The following GUCY1A2 variants were observed in gnomAD, a reference collection of about 807,000 sequenced individuals.
The protein encoded by GUCY1A2 is guanylate cyclase soluble subunit alpha-2.
Under a neutral mutation model 63.5 loss-of-function variants are expected in GUCY1A2, and 27 were observed. The ratio of observed to expected loss-of-function variants is 0.43; its 90% confidence interval spans 0.31 to 0.59. GUCY1A2 has a LOEUF of 0.59. Among genes scored for constraint, GUCY1A2 ranks in the 20% least tolerant of loss-of-function variants. The pLI, the probability that GUCY1A2 is intolerant of heterozygous loss-of-function variation, is 0.11. For synonymous variants in GUCY1A2, 364 were observed against 343.5 expected (o/e 1.06, Z -0.66); for missense variants, 768 against 913.3 (o/e 0.84, Z 2.05).
intron 6 of GUCY1A2, among the ~76,000 whole-genome samples, chr11:106,774,794 A>G (rs1225211132): frequency 6.6e-6 from 1 of 152,156 alleles, no homozygotes; most frequent in Non-Finnish European, 1.5e-5. Context: ...TTTAGTGAAC[A>G]AGCTCTTGCT....
intron 1 of GUCY1A2, among the ~76,000 whole-genome samples, chr11:107,012,352 G>T (rs1461238709): frequency 6.8e-6 from 1 of 148,024 alleles, no homozygotes; most frequent in Non-Finnish European, 1.5e-5. Context: ...GAGAAAAAAA[G>T]AAAATGAAAA....
chr11:106,845,271 C>A (rs1203558359), intron 4 of GUCY1A2, among the ~76,000 whole-genome samples: 1 of 150,616 alleles, frequency 6.6e-6, no homozygotes, highest in East Asian at 2.0e-4. Context: ...ACAAAAATCC[C>A]TGCGGCCGAT....
intron 4 of GUCY1A2, among the ~76,000 whole-genome samples, chr11:106,867,241 G>C (rs942913085): frequency 6.6e-6 from 1 of 151,992 alleles, no homozygotes; most frequent in Admixed American, 6.6e-5. Context: ...AGTATATTAT[G>C]TGTTAAACAC....
Position 106,967,679 on chromosome 11 carries a change from A to C in GUCY1A2, c.487+10940T>G, listed in dbSNP as rs1450384174. 3.3e-5 allele frequency among the ~76,000 whole-genome samples: 5 copies of C among 150,650 alleles called. No individual in the cohort carries two copies. In the East Asian group the frequency reaches 9.9e-4, roughly 30 times the overall value. On this transcript the variant is annotated intron_variant, in intron 3 of 7. Transcript: ENST00000526355. ...CATGAAGGAGATTTGGCAAAGAGAT[A>C]CAGAAAAGGCAAAAGGGAGGCAGGA...
rs755566309 is a variant in GUCY1A2 at position 106,679,757 on chromosome 11, C to T, written c.*7792G>A. On this transcript the variant is annotated 3_prime_UTR_variant, in exon 8 of 8. Coordinates refer to ENST00000526355, the MANE Select transcript of GUCY1A2 (RefSeq NM_000855.3). Reference sequence around the variant, plus strand: ...GCATATGGCAGAGCTGGTATTGGGCCTTCTTTGTTCCTTCAACCCAGATGT... The same window carrying T: ...GCATATGGCAGAGCTGGTATTGGGCTTTCTTTGTTCCTTCAACCCAGATGT... 9.2e-6 allele frequency: 2 copies of T among 218,180 alleles called. No individual in the cohort carries two copies. Among genetic ancestry groups the T allele is most frequent in the Non-Finnish European group, 1.8e-5 (2 of 108,652 alleles). 13.5% of individuals were successfully genotyped at this position (218,180 alleles called of 1,614,324 possible).
At chr11:106,912,791 C>T (rs1452505835) in intron 4 of GUCY1A2, among the ~76,000 whole-genome samples, 1 of 152,040 alleles carries the variant, frequency 6.6e-6, no homozygotes, top group Non-Finnish European at 1.5e-5. Flanking sequence ...TAACTGTGCC[C>T]TTTAATGAAA....
At chr11:106,906,098 C>A (rs1158685695) in intron 4 of GUCY1A2, among the ~76,000 whole-genome samples, 1 of 152,116 alleles carries the variant, frequency 6.6e-6, no homozygotes, top group Non-Finnish European at 1.5e-5. Flanking sequence ...CAAATGGGAT[C>A]TAATTAAACT....
chr11:106,965,286 C>A (rs1416317691), intron 3 of GUCY1A2, among the ~76,000 whole-genome samples: 1 of 152,026 alleles, frequency 6.6e-6, no homozygotes, highest in African/African-American at 2.4e-5. Flanking sequence ...CTAATTCCTT[C>A]ATCTGTAAAA....
chr11:106,989,046 C>T (rs1861437992), intron 1 of GUCY1A2, among the ~76,000 whole-genome samples: 1 of 152,178 alleles, frequency 6.6e-6, no homozygotes, highest in South Asian at 2.1e-4. Context: ...GCCAGTGATG[C>T]AAGTCAATGT....
chr11:106,885,333 T>A (rs1859883733), intron 4 of GUCY1A2, among the ~76,000 whole-genome samples: 1 of 152,152 alleles, frequency 6.6e-6, no homozygotes, highest in African/African-American at 2.4e-5. Context: ...AATTTATCCA[T>A]CAATCTTACA....
intron 3 of GUCY1A2, among the ~76,000 whole-genome samples, chr11:106,960,021 C>T (rs1281816523): frequency 2.1e-5 from 3 of 141,186 alleles, no homozygotes. Flanking sequence ...GCTACAGCAA[C>T]ATCGCAAACA....
intron 4 of GUCY1A2, among the ~76,000 whole-genome samples, chr11:106,861,812 A>C (rs796169004): frequency 1.4e-4 from 22 of 152,146 alleles, no homozygotes; most frequent in African/African-American, 5.1e-4. Flanking sequence ...TCATTTTTCT[A>C]TATTTTATTC....
chr11:106,965,942 T>C lies in GUCY1A2; in HGVS notation c.487+12677A>G, dbSNP rs534427041. Among the ~76,000 whole-genome samples, 9 of 143,398 alleles carry C rather than the reference T, an allele frequency of 6.3e-5. No individual in the cohort carries two copies. In the East Asian group the frequency reaches 1.8e-3, roughly 29 times the overall value. 94.1% of individuals were successfully genotyped at this position (143,398 alleles called of 152,430 possible). On this transcript the variant is annotated intron_variant, in intron 3 of 7. Transcript: ENST00000526355. ...AGTGAAGGTTAAAAAAAAAAAAAAG[T>C]TCATTTCTGGAGCTCTAAATCCAGA...
intron 1 of GUCY1A2, among the ~76,000 whole-genome samples, chr11:106,992,488 C>A (rs1861483237): frequency 6.6e-6 from 1 of 151,868 alleles, no homozygotes; most frequent in Non-Finnish European, 1.5e-5. Context: ...CGCCTCCATG[C>A]CCGGCTAATT....
intron 6 of GUCY1A2, among the ~76,000 whole-genome samples, chr11:106,716,818 A>G (rs1403026304): frequency 6.6e-6 from 1 of 150,980 alleles, no homozygotes; most frequent in Non-Finnish European, 1.5e-5. Flanking sequence ...CTCAGGAATT[A>G]TAAGAGAGCT....
At chr11:106,742,304 T>C (rs928437776) in intron 6 of GUCY1A2, among the ~76,000 whole-genome samples, 1 of 152,154 alleles carries the variant, frequency 6.6e-6, no homozygotes, top group Non-Finnish European at 1.5e-5. Context: ...AAGCCCAGTA[T>C]CTATTAGCTA....
intron 6 of GUCY1A2, among the ~76,000 whole-genome samples, chr11:106,765,093 C>CT (rs1245277521): frequency 2.6e-5 from 4 of 151,690 alleles, no homozygotes; most frequent in South Asian, 2.1e-4. Context: ...ACCCCAATGT[C>CT]TTTTTTTATC....
chr11:106,718,303 A>ATT (rs1863252514), intron 6 of GUCY1A2, among the ~76,000 whole-genome samples: 1 of 151,744 alleles, frequency 6.6e-6, no homozygotes, highest in Non-Finnish European at 1.5e-5. Context: ...TAAATAATTA[A>ATT]TATTTTACAG....
At chr11:106,960,282 G>A (rs1861042231) in intron 3 of GUCY1A2, among the ~76,000 whole-genome samples, 1 of 152,082 alleles carries the variant, frequency 6.6e-6, no homozygotes, top group Admixed American at 6.6e-5. Flanking sequence ...AAGATATGAA[G>A]GATTTCAGTC....
Sources: allele counts gnomAD v4.1 joint callset (sites outside exome capture counted in the v4.1 genomes callset), GRCh38; gene constraint gnomAD v4.1.1; transcripts MANE v1.5; gene names NCBI Gene and HGNC (gene_info 2026-07-23, HGNC 2026-07-21).